RUNX2: variants seen among roughly 807,000 people sequenced by gnomAD.
The protein encoded by RUNX2 is runt-related transcription factor 2.
A neutral mutation model predicts 51.7 loss-of-function variants in RUNX2; 10 were observed. That is an observed-to-expected ratio of 0.19 (90% CI 0.12 to 0.33). RUNX2 has a LOEUF of 0.33. RUNX2 is among the 10% of genes least tolerant of loss of function. The pLI is 1.00. For missense variants in RUNX2, 562 were observed against 691.3 expected (o/e 0.81, Z 2.10); for synonymous variants, 276 against 273.6 (o/e 1.01, Z -0.09).
intron 5 of RUNX2, among the ~76,000 whole-genome samples, chr6:45,457,764 A>C (rs981944205): frequency 6.6e-6 from 1 of 152,182 alleles, no homozygotes; most frequent in Non-Finnish European, 1.5e-5. Context: ...TGGCCCATAG[A>C]ACAAAGTAGA....
intron 5 of RUNX2, among the ~76,000 whole-genome samples, chr6:45,469,743 A>G (rs1799742443): frequency 6.6e-6 from 1 of 152,228 alleles, no homozygotes; most frequent in Non-Finnish European, 1.5e-5. Context: ...TCTCCTTCTA[A>G]CACATAGAGT....
In RUNX2 at chr6:45,547,471, A is replaced by G. The variant is rs529807832; in HGVS notation, c.*166A>G. ...CTCACTCAGTCATGATCTTGCAGCC[A>G]TAAGAGGGTAGATATTGAGAAGCAG... is the stretch of plus-strand genomic sequence containing the variant. On this transcript the variant is annotated 3_prime_UTR_variant, in exon 9 of 9. Coordinates refer to ENST00000647337, the MANE Select transcript of RUNX2 (RefSeq NM_001024630.4). 3.1e-5 allele frequency: 20 copies of G among 650,514 alleles called. No individual in the cohort carries two copies. The highest frequency in any genetic ancestry group is 2.0e-4 in the South Asian group (11 of 55,130). The allele number at this position is 650,514 out of a possible 1,614,324, so 40.3% of individuals were successfully genotyped here.
chr6:45,504,431 A>C (rs183103475), intron 6 of RUNX2, among the ~76,000 whole-genome samples: 2 of 152,314 alleles, frequency 1.3e-5, no homozygotes, highest in Admixed American at 6.5e-5. Context: ...TTATTCGTCC[A>C]AGCCTGCACA....
chr6:45,351,283 C>T (rs1348444372), intron 2 of RUNX2, among the ~76,000 whole-genome samples: 4 of 152,112 alleles, frequency 2.6e-5, no homozygotes, highest in Non-Finnish European at 5.9e-5. Context: ...AGACTGCCCT[C>T]CTACGCTATA....
At chr6:45,502,527 T>C (rs1800826083) in intron 6 of RUNX2, among the ~76,000 whole-genome samples, 1 of 152,034 alleles carries the variant, frequency 6.6e-6, no homozygotes, top group African/African-American at 2.4e-5. Flanking sequence ...GCAGGCCTAT[T>C]ACTCAAGGCT....
At chr6:45,361,646 T>C (rs1027673545) in intron 2 of RUNX2, 1 of 152,204 alleles carries the variant, frequency 6.6e-6, no homozygotes, top group Non-Finnish European at 1.5e-5. Context: ...AAAGGAGCTG[T>C]GATAAAGAGC....
At chr6:45,426,608 C>T (rs1232679261) in intron 3 of RUNX2, among the ~76,000 whole-genome samples, 1 of 152,162 alleles carries the variant, frequency 6.6e-6, no homozygotes, top group Non-Finnish European at 1.5e-5. Flanking sequence ...TAGTTCAAGT[C>T]TATTCTGCTG....
chr6:45,509,688 A>G (rs1012714606), intron 6 of RUNX2, among the ~76,000 whole-genome samples: 1 of 152,220 alleles, frequency 6.6e-6, no homozygotes, highest in South Asian at 2.1e-4. Context: ...TCCTCTCACT[A>G]GAAAGCCCAC....
intron 3 of RUNX2, among the ~76,000 whole-genome samples, chr6:45,428,035 A>G (rs1042083311): frequency 4.9e-4 from 75 of 152,168 alleles, no homozygotes; most frequent in African/African-American, 1.8e-3. Flanking sequence ...GAATTTGTAG[A>G]TTTTATATTT....
intron 5 of RUNX2, among the ~76,000 whole-genome samples, chr6:45,445,995 G>A (rs1232683573): frequency 6.6e-6 from 1 of 152,136 alleles, no homozygotes; most frequent in Non-Finnish European, 1.5e-5. Flanking sequence ...GAGGCATTTT[G>A]TGTTGTGCAA....
At position 45,547,770 on chromosome 6, in the gene RUNX2, A is replaced by G. The variant is rs1802448873; in HGVS notation, c.*465A>G. 4.7e-6 allele frequency: 1 copy of G among 213,276 alleles called. No individual in the cohort carries two copies. Among genetic ancestry groups the G allele is most frequent in the Admixed American group, 5.3e-5 (1 of 18,976 alleles). The allele number at this position is 213,276 out of a possible 1,614,324, so 13.2% of individuals were successfully genotyped here. ...CCCTCCGCAGACAGCTCACAAAACC[A>G]GTTGAGGTGCACTAAAGGGACATGA... On this transcript the variant is annotated 3_prime_UTR_variant, in exon 9 of 9. Transcript: ENST00000647337.
chr6:45,405,555 G>C (rs1158854418), intron 2 of RUNX2, among the ~76,000 whole-genome samples: 1 of 152,174 alleles, frequency 6.6e-6, no homozygotes, highest in South Asian at 2.1e-4. Context: ...TTGGGAGGCC[G>C]AGGCAGGGGG....
intron 7 of RUNX2, among the ~76,000 whole-genome samples, chr6:45,523,661 G>A (rs980791911): frequency 6.6e-6 from 1 of 152,034 alleles, no homozygotes; most frequent in Non-Finnish European, 1.5e-5. Context: ...CTAGGCTGGT[G>A]CGGTGGCTCA....
At chr6:45,412,380 AC>A (rs199914292) in intron 2 of RUNX2, among the ~76,000 whole-genome samples, 1 of 150,146 alleles carries the variant, frequency 6.7e-6, no homozygotes, top group Non-Finnish European at 1.5e-5. Flanking sequence ...AAAAAACAAA[AC>A]CCCCCAAAAA....
At chr6:45,490,431 A>G in intron 5 of RUNX2, among the ~76,000 whole-genome samples, 1 of 152,144 alleles carries the variant, frequency 6.6e-6, no homozygotes, top group Non-Finnish European at 1.5e-5. Flanking sequence ...TTGGCCGTGG[A>G]GACAGCTACA....
At chr6:45,546,116 T>C (rs887081958) in intron 8 of RUNX2, among the ~76,000 whole-genome samples, 1 of 152,000 alleles carries the variant, frequency 6.6e-6, no homozygotes, top group South Asian at 2.1e-4. Context: ...CCATCAAGAC[T>C]TGAAATCAAT....
chr6:45,501,863 G>T (rs560977180), intron 6 of RUNX2, among the ~76,000 whole-genome samples: 4 of 152,262 alleles, frequency 2.6e-5, no homozygotes, highest in South Asian at 2.1e-4. Flanking sequence ...ACCAACAGTG[G>T]CTCCAAAACA....
Position 45,405,694 on chromosome 6 carries a change from G to A in RUNX2, c.59-16899G>A, listed in dbSNP as rs193235565. ...CTCAGCTACTTGGGAGGCTAAGGCA[G>A]GAGAATCACTTGAACCCAGGAGGCA... is the stretch of plus-strand genomic sequence containing the variant. On this transcript the variant is annotated intron_variant, in intron 2 of 8. Coordinates refer to ENST00000647337, the MANE Select transcript of RUNX2 (RefSeq NM_001024630.4). Among the ~76,000 whole-genome samples the A allele has an allele frequency of 1.2e-3, 183 of 152,208 alleles. 2 individuals are homozygous for A. Among genetic ancestry groups the A allele is most frequent in the African/African-American group, 4.3e-3 (177 of 41,518 alleles).
intron 7 of RUNX2, 54 bp downstream of exon 7, chr6:45,512,461 T>C: frequency 1.3e-6 from 2 of 1,589,218 alleles, no homozygotes; most frequent in Non-Finnish European, 1.7e-6. Flanking sequence ...TCGGGGGGAG[T>C]GGGATGGGCT....
Sources: gnomAD v4.1 joint callset for allele counts (sites outside exome capture counted in the v4.1 genomes callset) on GRCh38, gnomAD v4.1.1 for gene constraint, MANE v1.5 for transcripts, NCBI Gene and HGNC (gene_info 2026-07-23, HGNC 2026-07-21) for gene names.